Variants in NDP observed in about 807,000 individuals in gnomAD.
The protein encoded by NDP is norrin cystine knot growth factor NDP.
A neutral mutation model predicts 8.4 loss-of-function variants in NDP; 2 were observed. The observed-to-expected ratio is 0.24, with a 90% CI of 0.10 to 0.75. The LOEUF (loss-of-function observed/expected upper bound fraction) is 0.75. Among genes scored for constraint, NDP ranks in the 30% least tolerant of loss-of-function variants. The probability of loss-of-function intolerance (pLI) is 0.73; values close to 1 mark genes in which losing one functional copy is unlikely to be tolerated. For synonymous variants in NDP, 55 were observed against 45.6 expected, an observed-to-expected ratio of 1.21 and a Z score of -0.83; for missense variants, 81 against 110.1, an observed-to-expected ratio of 0.74 and a Z score of 1.18.
At chrX:43,970,431 G>A (rs748309621) in intron 1 of NDP, among the ~76,000 whole-genome samples, 1 of 112,165 alleles carries the variant, frequency 8.9e-6, no homozygotes, top group Admixed American at 9.4e-5. Flanking sequence ...GGCACCCCAG[G>A]GAGTCAGAGG....
intron 1 of NDP, among the ~76,000 whole-genome samples, chrX:43,962,102 G>A (rs1463210980): frequency 9.0e-6 from 1 of 111,635 alleles, no homozygotes; most frequent in Non-Finnish European, 1.9e-5. Context: ...TTAATTCTAA[G>A]AAACAGATTT....
chrX:43,953,096 A>G (rs1316733004), intron 2 of NDP, among the ~76,000 whole-genome samples: 1 of 106,023 alleles, frequency 9.4e-6, no homozygotes, highest in Non-Finnish European at 1.9e-5. Context: ...AGAAAAGACT[A>G]TGAAGCAATT....
At chrX:43,952,538 CCTAA>C (rs771438424) in intron 2 of NDP, among the ~76,000 whole-genome samples, 2 of 112,019 alleles carry the variant, frequency 1.8e-5, no homozygotes, top group East Asian at 5.6e-4. Context: ...CAAACGTAGG[CCTAA>C]CTGACTGGGC....
Position 43,948,874 on chromosome X carries a change from C to T in NDP, c.*925G>A, listed in dbSNP as rs1371358398. On this transcript the variant is annotated 3_prime_UTR_variant, in exon 3 of 3. Transcript: ENST00000642620. ...TGAACCAAACGTTCAGAAGACAAGC[C>T]AGGCCACCATTTTGGCAACATGTTT... is the stretch of plus-strand genomic sequence containing the variant. 8.9e-6 allele frequency: 1 copy of T among 112,066 alleles called. No homozygotes were observed. The highest frequency in any genetic ancestry group is 1.9e-5 in the Non-Finnish European group (1 of 53,228). 9.2% of individuals were successfully genotyped at this position (112,066 alleles called of 1,213,427 possible). A position where few individuals can be genotyped will look rare whatever the true frequency, so the allele number is the denominator to read the frequency against.
chrX:43,969,281 G>T (rs1036437314), intron 1 of NDP, among the ~76,000 whole-genome samples: 5 of 111,794 alleles, frequency 4.5e-5, no homozygotes, highest in African/African-American at 1.3e-4. Context: ...AAGACATTCG[G>T]GTCTGTGCTG....
chrX:43,970,558 C>T (rs148395305), intron 1 of NDP, among the ~76,000 whole-genome samples: 2,149 of 110,840 alleles, frequency 0.019, 28 homozygotes, highest in Non-Finnish European at 0.028. Flanking sequence ...GATAAAACAC[C>T]ATACTGGGTT....
intron 1 of NDP, among the ~76,000 whole-genome samples, chrX:43,970,350 G>A (rs768330262): frequency 1.2e-3 from 136 of 112,058 alleles, no homozygotes; most frequent in Non-Finnish European, 1.9e-4. Context: ...GTCACTGGCC[G>A]TCATGGGAAG....
chrX:43,967,574 C>T (rs1469850303), intron 1 of NDP, among the ~76,000 whole-genome samples: 1 of 111,445 alleles, frequency 9.0e-6, no homozygotes, highest in Non-Finnish European at 1.9e-5. Flanking sequence ...GGATCCTTCC[C>T]TTTCTGAAAT....
chrX:43,968,442 A>G (rs2035871017), intron 1 of NDP, among the ~76,000 whole-genome samples: 1 of 112,993 alleles, frequency 8.9e-6, no homozygotes, highest in South Asian at 3.6e-4. Flanking sequence ...TGCAACCTGC[A>G]CAGCCAAGAG....
At chrX:43,963,289 C>T (rs886774723) in intron 1 of NDP, among the ~76,000 whole-genome samples, 12 of 111,571 alleles carry the variant, frequency 1.1e-4, no homozygotes, top group African/African-American at 3.9e-4. Context: ...ATCCTCGATC[C>T]CTCTTCTAGC....
intron 1 of NDP, among the ~76,000 whole-genome samples, chrX:43,963,263 GA>G (rs1255267149): frequency 2.7e-5 from 3 of 111,964 alleles, no homozygotes; most frequent in East Asian, 5.7e-4. Flanking sequence ...AGGGTCAGGG[GA>G]AAAATATAGT....
rs745725962 is a variant in NDP at position 43,968,105 on chromosome X, C to G, written c.-208+5199G>C. On this transcript the variant is annotated intron_variant, in intron 1 of 2. Transcript: ENST00000642620. ...ATGAGCACTGGGGATATGTCGCCAACGGAAGTTACCCATTCTTTGAATTTT... is the reference window on the plus strand; with the variant it reads ...ATGAGCACTGGGGATATGTCGCCAAGGGAAGTTACCCATTCTTTGAATTTT... Among the ~76,000 whole-genome samples the G allele has an allele frequency of 2.7e-5, 3 of 111,608 alleles. No homozygotes were observed. The East Asian group carries it at 8.4e-4, about 31-fold the overall frequency.
intron 1 of NDP, among the ~76,000 whole-genome samples, chrX:43,959,652 C>T (rs1305425806): frequency 3.6e-5 from 4 of 111,654 alleles, no homozygotes; most frequent in Non-Finnish European, 5.6e-5. Flanking sequence ...TTGACCATAC[C>T]TCTTGGACAA....
chrX:43,955,003 C>G (rs1490774524), intron 2 of NDP, among the ~76,000 whole-genome samples: 1 of 111,569 alleles, frequency 9.0e-6, no homozygotes, highest in Non-Finnish European at 1.9e-5. Context: ...CCTCCAGCCC[C>G]TCCTTCCTCC....
intron 2 of NDP, 48 bp from the exon 3 acceptor site, chrX:43,950,074 T>C (rs2035752361): frequency 9.3e-7 from 1 of 1,079,017 alleles, no homozygotes; most frequent in Non-Finnish European, 1.3e-6. Context: ...GCCACAACCT[T>C]AGCCAGGTAA....
At chrX:43,957,583 A>G in intron 2 of NDP, among the ~76,000 whole-genome samples, 1 of 110,521 alleles carries the variant, frequency 9.0e-6, no homozygotes, top group Non-Finnish European at 1.9e-5. Context: ...ATTGGCTTAT[A>G]TGGTCTTAAT....
chrX:43,963,652 A>G (rs1038062031), intron 1 of NDP, among the ~76,000 whole-genome samples: 1 of 112,019 alleles, frequency 8.9e-6, no homozygotes, highest in Non-Finnish European at 1.9e-5. Flanking sequence ...CTAGGATCAG[A>G]AAAGCAAGAA....
chrX:43,954,716 G>C (rs1270367586), intron 2 of NDP, among the ~76,000 whole-genome samples: 1 of 111,169 alleles, frequency 9.0e-6, no homozygotes, highest in African/African-American at 3.3e-5. Context: ...TTAGGAAGCT[G>C]TTAGGACTCA....
At chrX:43,950,104 C>T in intron 2 of NDP, 78 bp from the exon 3 acceptor site, 2 of 917,536 alleles carry the variant, frequency 2.2e-6, no homozygotes, top group Non-Finnish European at 3.1e-6. Context: ...TTTTGAAAGA[C>T]CCTCACACTC....
Sources: allele counts gnomAD v4.1 joint callset (sites outside exome capture counted in the v4.1 genomes callset), GRCh38; gene constraint gnomAD v4.1.1; transcripts MANE v1.5; gene names NCBI Gene and HGNC (gene_info 2026-07-23, HGNC 2026-07-21).